MROH2A: variants seen among roughly 807,000 people sequenced by gnomAD.
MROH2A encodes maestro heat-like repeat-containing protein family member 2A.
Under a neutral mutation model 200.4 loss-of-function variants are expected in MROH2A, and 174 were observed. The observed-to-expected ratio is 0.87, with a 90% confidence interval of 0.77 to 0.98. MROH2A has a LOEUF of 0.98. Among genes scored for constraint, MROH2A ranks in the 50% least tolerant of loss-of-function variants. MROH2A has a pLI of 0.00. For missense variants in MROH2A, 2,045 were observed against 2,139.6 expected (o/e 0.96, Z 0.87); for synonymous variants, 829 against 840.4 (o/e 0.99, Z 0.23).
intron 26 of MROH2A, among the ~76,000 whole-genome samples, chr2:233,816,206 A>G (rs995608450): frequency 6.6e-6 from 1 of 152,248 alleles, no homozygotes; most frequent in Non-Finnish European, 1.5e-5. Context: ...GTTGGTTAAT[A>G]GTATTTTTCA....
chr2:233,799,861 T>C lies in MROH2A; in HGVS notation c.1411T>C (p.Tyr471His). ...GAGAATCAAAGGCTGGGGCCTGAAG[T>C]ACCTGTCTGTGCAGCTGACCTTATC... ...QERIKGWGLK[Y>H]LSVQLTLSTY... Residue 471 changes from tyrosine (Y) to histidine (H), a missense_variant, in exon 13 of 42, where the codon TAC (tyrosine) becomes CAC (histidine). Physicochemically the swap from Tyr to His is moderately conservative, Grantham distance 83. Around this residue, in one of 3 missense-constraint regions of MROH2A, gnomAD observed 831 missense variants for 800.0 expected, o/e 1.04. Coordinates refer to ENST00000389758, the MANE Select transcript of MROH2A (RefSeq NM_001394639.1). 6.4e-7 allele frequency: 1 copy of C among 1,550,518 alleles called. No individual in the cohort carries two copies. Among genetic ancestry groups the C allele is most frequent in the East Asian group, 2.4e-5 (1 of 40,904 alleles).
chr2:233,828,872 C>A lies in MROH2A; in HGVS notation c.4264-18C>A, dbSNP rs779497866. 6.5e-7 allele frequency: 1 copy of A among 1,550,192 alleles called. No individual in the cohort carries two copies. The highest frequency in any genetic ancestry group is 2.0e-5 in the Admixed American group (1 of 50,966). The stretch of plus-strand genomic sequence containing the variant: ...TGGGAGGGAGGGTGCAGGCTGAGGG[C>A]TGCCCATGCCCCTCCAGGTGAAGCA... On this transcript the variant is annotated intron_variant, in intron 36 of 41. Transcript: ENST00000389758. The surrounding 1 kb of genome is among the most constrained non-coding windows in gnomAD (Gnocchi z 4.6).
intron 14 of MROH2A, 53 bp from the exon 15 acceptor site, chr2:233,802,115 A>T (rs1437132875): frequency 6.6e-7 from 1 of 1,504,198 alleles, no homozygotes; most frequent in African/African-American, 1.4e-5. Flanking sequence ...TCTCCTTAGA[A>T]GCCCAGGGCT....
chr2:233,802,189 T>C lies in MROH2A; in HGVS notation c.1582T>C (p.Cys528Arg). 1 of 1,550,286 alleles carries C rather than the reference T, an allele frequency of 6.5e-7. No homozygotes were observed. Among genetic ancestry groups the C allele is most frequent in the Non-Finnish European group, 8.7e-7 (1 of 1,146,808 alleles). ...MTTEFWVRLL[C>R]YIMETDYVEA... Reference sequence around the variant, plus strand: ...CCAGGAGTTTTGGGTGAGGCTGCTGTGCTACATCATGGAGACAGACTACGT... The same window carrying C: ...CCAGGAGTTTTGGGTGAGGCTGCTGCGCTACATCATGGAGACAGACTACGT... Residue 528 changes from cysteine (C) to arginine (R), a missense_variant, in exon 15 of 42, where the codon TGC becomes CGC. Around this residue, in one of 3 missense-constraint regions of MROH2A, gnomAD observed 831 missense variants for 800.0 expected, o/e 1.04. Coordinates refer to ENST00000389758, the MANE Select transcript of MROH2A (RefSeq NM_001394639.1).
chr2:233,798,827 AC>A lies in MROH2A; in HGVS notation c.1308del (p.Ile437SerfsTer8). 2 of 1,550,352 alleles carry A rather than the reference AC, an allele frequency of 1.3e-6. No homozygotes were observed. The highest frequency in any genetic ancestry group is 1.2e-5 in the South Asian group (1 of 84,042). The stretch of plus-strand genomic sequence containing the variant: ...CCTGGCTATCCGGGTAGTCAAGAAC[AC>A]CATCTCTGATACCCGGTCCAAGGTA... ...IYLAIRVVKN[T>X]ISDTRSKVRM... is the part of the protein sequence containing the mutation. On this transcript the variant is annotated frameshift_variant, in exon 12 of 42. Coordinates refer to ENST00000389758, the MANE Select transcript of MROH2A (RefSeq NM_001394639.1). LOFTEE classifies it high-confidence loss of function.
intron 14 of MROH2A, 59 bp downstream of exon 14, chr2:233,800,374 A>G: frequency 1.0e-6 from 1 of 976,780 alleles, no homozygotes. Context: ...GGGGTGAACC[A>G]CACATGCCCA....
At chr2:233,815,373 C>G (rs941199047) in intron 26 of MROH2A, among the ~76,000 whole-genome samples, 3 of 152,076 alleles carry the variant, frequency 2.0e-5, no homozygotes, top group Admixed American at 2.0e-4. Context: ...TATTGATTTC[C>G]CAATATCTTT....
chr2:233,829,909 G>T, intron 38 of MROH2A, 134 bp downstream of exon 38: 1 of 806,536 alleles, frequency 1.2e-6, no homozygotes, highest in East Asian at 3.4e-5. Context: ...GATCCCAGAG[G>T]CCACAGCCTG....
chr2:233,790,452 C>CCTT (rs1553629942), intron 5 of MROH2A, among the ~76,000 whole-genome samples: 1 of 41,404 alleles, frequency 2.4e-5, no homozygotes, highest in African/African-American at 2.0e-4. Flanking sequence ...CTCCCTCCCC[C>CCTT]CCTTCCTTCC....
At chr2:233,787,167 T>C (rs1041198072) in intron 3 of MROH2A, among the ~76,000 whole-genome samples, 2 of 152,088 alleles carry the variant, frequency 1.3e-5, no homozygotes, top group African/African-American at 4.8e-5. Context: ...CTTGTGACTA[T>C]AAATATTCTC....
Position 233,828,518 on chromosome 2 carries a change from C to T in MROH2A, c.4114-112C>T, listed in dbSNP as rs1704474966. The T allele has an allele frequency of 4.5e-6, 6 of 1,333,034 alleles. No homozygotes were observed. The highest frequency in any genetic ancestry group is 2.6e-4 in the Middle Eastern group (1 of 3,784). The allele number at this position is 1,333,034 out of a possible 1,614,324, so 82.6% of individuals were successfully genotyped here. On this transcript the variant is annotated intron_variant, in intron 35 of 41. Coordinates refer to ENST00000389758, the MANE Select transcript of MROH2A (RefSeq NM_001394639.1). The surrounding 1 kb of genome is among the most constrained non-coding windows in gnomAD (Gnocchi z 4.6). ...GGAAACGGAGGCTCTCAGAGCCCCT[C>T]CCCTCCTGTCCACAGAGCCACCAAT...
chr2:233,811,255 G>A (rs551590325), intron 23 of MROH2A, among the ~76,000 whole-genome samples: 8 of 152,356 alleles, frequency 5.3e-5, no homozygotes, highest in Non-Finnish European at 1.2e-4. Flanking sequence ...GGCCTTAGGG[G>A]CAGGGATCTG....
intron 15 of MROH2A, among the ~76,000 whole-genome samples, chr2:233,802,623 T>G (rs1702543860): frequency 6.6e-6 from 1 of 152,092 alleles, no homozygotes; most frequent in African/African-American, 2.4e-5. Context: ...TGCATGACCT[T>G]ACTGGGCCTC....
intron 11 of MROH2A, among the ~76,000 whole-genome samples, chr2:233,796,694 C>A (rs1434696182): frequency 6.6e-6 from 1 of 152,194 alleles, no homozygotes; most frequent in Non-Finnish European, 1.5e-5. Flanking sequence ...CTAAACCTAG[C>A]CCTGAGATTT....
rs13420920 is a variant in MROH2A at position 233,822,037 on chromosome 2, G to A, written c.3513-87G>A. 2.1e-6 allele frequency: 3 copies of A among 1,440,588 alleles called. No homozygotes were observed. The South Asian group carries it at 4.2e-5, about 20-fold the overall frequency. 89.2% of individuals were successfully genotyped at this position (1,440,588 alleles called of 1,614,324 possible). On this transcript the variant is annotated intron_variant, in intron 31 of 41. Coordinates refer to ENST00000389758, the MANE Select transcript of MROH2A (RefSeq NM_001394639.1). ...GTCCCCAGAGTCCAACCCCTACTTA[G>A]GGGGCTGCCAAGGGTTTGAAAGGGA...
rs888313216 is a variant in MROH2A at position 233,802,469 on chromosome 2, T to C, written c.1708+154T>C. The C allele has an allele frequency of 3.7e-5, 30 of 800,692 alleles. No homozygotes were observed. In the African/African-American group the frequency reaches 4.9e-4, roughly 13 times the overall value. 49.6% of individuals were successfully genotyped at this position (800,692 alleles called of 1,614,324 possible). A position where few individuals can be genotyped will look rare whatever the true frequency, so the allele number is the denominator to read the frequency against. The stretch of plus-strand genomic sequence containing the variant: ...TTAATACTATTAATGCCTACCTGGA[T>C]ATTAATGCCTACCTGATCATATCTA... On this transcript the variant is annotated intron_variant, in intron 15 of 41. Transcript: ENST00000389758.
intron 22 of MROH2A, 111 bp from the exon 23 acceptor site, chr2:233,810,683 A>G: frequency 2.2e-6 from 3 of 1,374,842 alleles, no homozygotes; most frequent in Non-Finnish European, 2.9e-6. Flanking sequence ...AGCATTCAAC[A>G]TTAAACGCTT....
chr2:233,823,039 G>C, intron 34 of MROH2A, 21 bp downstream of exon 34: 1 of 1,549,118 alleles, frequency 6.5e-7, no homozygotes, highest in South Asian at 1.2e-5. Flanking sequence ...GCTCCCACAG[G>C]GTGGCAGGGG....
At chr2:233,796,777 G>A (rs1702138280) in intron 11 of MROH2A, among the ~76,000 whole-genome samples, 1 of 152,202 alleles carries the variant, frequency 6.6e-6, no homozygotes, top group African/African-American at 2.4e-5. Context: ...GAAGGCCCCT[G>A]TTGACAGCAT....
Sources: gnomAD v4.1 joint callset for allele counts (sites outside exome capture counted in the v4.1 genomes callset) on GRCh38, gnomAD v4.1.1 for gene constraint, gnomAD v4.1.1 regional missense constraint, Gnocchi (gnomAD v3.1) non-coding constraint, MANE v1.5 for transcripts, NCBI Gene and HGNC (gene_info 2026-07-23, HGNC 2026-07-21) for gene names.